The following KNDC1 variants were observed in gnomAD, a reference collection of about 807,000 sequenced individuals.
KNDC1 encodes kinase non-catalytic C-lobe domain containing 1.
Under a neutral mutation model 172.8 loss-of-function variants are expected in KNDC1, and 106 were observed. That is an observed-to-expected ratio of 0.61 (90% CI 0.52 to 0.72). The LOEUF is 0.72. Ranked by LOEUF, KNDC1 falls within the 30% of genes least tolerant of loss-of-function variation. KNDC1 has a pLI of 0.00. For synonymous variants in KNDC1, 1,083 were observed against 1,062.2 expected (o/e 1.02, Z -0.38); for missense variants, 2,325 against 2,394.5 (o/e 0.97, Z 0.61).
rs116684467 is a variant in KNDC1 at position 133,186,234 on chromosome 10, G to A, written c.886G>A (p.Ala296Thr). The change falls in exon 6 of 30, where the codon GCC becomes ACC. Residue 296 changes from alanine (A) to threonine (T), a missense_variant. Ala to Thr is a moderately conservative substitution (Grantham distance 58). Coordinates refer to ENST00000304613, the MANE Select transcript of KNDC1 (RefSeq NM_152643.8). Reference protein sequence around the residue: ...ERTLGELDRDALRRSRLRKVQ... With the variant: ...ERTLGELDRDTLRRSRLRKVQ... ...CACCCTCGGGGAGCTGGACAGAGACGCCCTCAGGAGAAGCCGCCTGCGGAA... is the reference window on the plus strand; with the variant it reads ...CACCCTCGGGGAGCTGGACAGAGACACCCTCAGGAGAAGCCGCCTGCGGAA... The A allele has an allele frequency of 1.5e-3, 2,440 of 1,590,178 alleles. 32 individuals are homozygous for A. In the African/African-American group the frequency reaches 0.028, roughly 18 times the overall value.
intron 17 of KNDC1, among the ~76,000 whole-genome samples, chr10:133,203,112 C>T (rs1387153896): frequency 1.1e-5 from 1 of 88,128 alleles, no homozygotes; most frequent in Non-Finnish European, 3.0e-5. Context: ...CGCACGGCGT[C>T]CAGCGGGGAG....
rs551847838 is a variant in KNDC1 at position 133,198,705 on chromosome 10, G to C, written c.2197G>C (p.Val733Leu). 54 of 1,578,792 alleles carry C rather than the reference G, an allele frequency of 3.4e-5. No homozygotes were observed. The African/African-American group carries it at 5.5e-4, about 16-fold the overall frequency. Residue 733 changes from valine (V) to leucine (L), a missense_variant, in exon 14 of 30, where the codon GTG becomes CTG. Transcript: ENST00000304613. Reference sequence around the variant, plus strand: ...CAGCCTGAAGACGCCTGACGGGCCGGTGCCTGGTCCGGGGCCACAGGGAGC... The same window carrying C: ...CAGCCTGAAGACGCCTGACGGGCCGCTGCCTGGTCCGGGGCCACAGGGAGC... ...SPSLKTPDGP[V>L]PGPGPQGAAP...
intron 24 of KNDC1, 31 bp from the exon 25 acceptor site, chr10:133,213,614 C>G: frequency 6.2e-7 from 1 of 1,604,336 alleles, no homozygotes; most frequent in African/African-American, 1.3e-5. Context: ...GGGATGGAAG[C>G]CTGAACCTCT....
rs1392208206 is a variant in KNDC1, at chr10:133,206,775, A to T, written c.3478A>T (p.Lys1160Ter). 6.2e-7 allele frequency: 1 copy of T among 1,613,950 alleles called. No homozygotes were observed. The highest frequency in any genetic ancestry group is 8.5e-7 in the Non-Finnish European group (1 of 1,179,996). ...QKLLQKEKRN[K>*]GSDVKTMLSK... is the part of the protein sequence containing the mutation. Reference sequence around the variant, plus strand: ...ACTCTTACAGAAGGAAAAGAGGAACAAAGGTAAGGCCCCTGTGGGCACAGG... The same window carrying T: ...ACTCTTACAGAAGGAAAAGAGGAACTAAGGTAAGGCCCCTGTGGGCACAGG... The change falls in exon 18 of 30, where the codon AAA becomes TAA. Residue 1160 changes from lysine to a stop codon, truncating the protein, a stop_gained. Coordinates refer to ENST00000304613, the MANE Select transcript of KNDC1 (RefSeq NM_152643.8). LOFTEE classifies it high-confidence loss of function.
chr10:133,178,170 G>C (rs965052807), intron 3 of KNDC1, among the ~76,000 whole-genome samples: 3 of 151,294 alleles, frequency 2.0e-5, no homozygotes, highest in African/African-American at 7.3e-5. Flanking sequence ...AGTGTATCCT[G>C]TGTGTAGCAT....
At chr10:133,207,003 C>T (rs777751572) in intron 19 of KNDC1, 50 bp downstream of exon 19, 5 of 1,567,224 alleles carry the variant, frequency 3.2e-6, no homozygotes, top group Non-Finnish European at 3.5e-6. Flanking sequence ...TAGCTTCAGA[C>T]GGGCCTCCCA....
At chr10:133,166,015 C>G (rs181669365) in intron 1 of KNDC1, among the ~76,000 whole-genome samples, 133 of 152,352 alleles carry the variant, frequency 8.7e-4, no homozygotes, top group African/African-American at 3.1e-3. Context: ...CCAGGCCCCA[C>G]CGGGCGCCCA....
chr10:133,189,880 C>A lies in KNDC1; in HGVS notation c.1575+67C>A. 4 of 1,295,196 alleles carry A rather than the reference C, an allele frequency of 3.1e-6. No homozygotes were observed. In the South Asian group the frequency reaches 4.9e-5, roughly 16 times the overall value. 80.2% of individuals were successfully genotyped at this position (1,295,196 alleles called of 1,614,324 possible). Reference sequence around the variant, plus strand: ...CCCTCGGGGATGCCACGTCCCCCATCTGTCCAGCAGCCCCCCATCAGGACT... The same window carrying A: ...CCCTCGGGGATGCCACGTCCCCCATATGTCCAGCAGCCCCCCATCAGGACT... On this transcript the variant is annotated intron_variant, in intron 9 of 29. Transcript: ENST00000304613.
chr10:133,171,166 TTA>T (rs530327656), intron 3 of KNDC1, among the ~76,000 whole-genome samples: 167 of 152,386 alleles, frequency 1.1e-3, no homozygotes, highest in African/African-American at 4.0e-3. Context: ...TGAAGTTACT[TTA>T]ACGTTGTAAA....
chr10:133,172,566 C>T (rs115307843), intron 3 of KNDC1, among the ~76,000 whole-genome samples: 2,690 of 152,286 alleles, frequency 0.018, 77 homozygotes, highest in African/African-American at 0.061. Context: ...CCTGTATAAG[C>T]AGCACCCCCT....
chr10:133,215,672 G>A (rs981223452), intron 26 of KNDC1, among the ~76,000 whole-genome samples: 53 of 152,362 alleles, frequency 3.5e-4, no homozygotes, highest in Non-Finnish European at 6.5e-4. Context: ...CGTCCTGGGC[G>A]CACCCTCACC....
intron 3 of KNDC1, among the ~76,000 whole-genome samples, chr10:133,177,889 G>C (rs1392237502): frequency 8.5e-6 from 1 of 117,852 alleles, no homozygotes; most frequent in Non-Finnish European, 1.8e-5. Context: ...TGTGTGTGTA[G>C]TGTGCATGTG....
intron 17 of KNDC1, among the ~76,000 whole-genome samples, chr10:133,203,665 C>T (rs3008383): frequency 0.4 from 61,069 of 152,004 alleles, 14,157 homozygotes; most frequent in East Asian, 0.62. Context: ...TTAAAACAAG[C>T]GTGGCTCCCA....
At position 133,211,937 on chromosome 10, in the gene KNDC1, G is replaced by A. The variant is rs1051253507; in HGVS notation, c.4236+79G>A. 8.5e-6 allele frequency: 12 copies of A among 1,404,936 alleles called. No homozygotes were observed. The Admixed American group carries it at 1.8e-4, about 21-fold the overall frequency. 87.0% of individuals were successfully genotyped at this position (1,404,936 alleles called of 1,614,324 possible). ...GAGCCCAGCCTCAAAGACACAACTG[G>A]TGCATGCACACACATACACACAAGT... On this transcript the variant is annotated intron_variant, in intron 23 of 29. Transcript: ENST00000304613.
chr10:133,191,914 T>G (rs1249227261), intron 9 of KNDC1, among the ~76,000 whole-genome samples: 1 of 152,138 alleles, frequency 6.6e-6, no homozygotes, highest in African/African-American at 2.4e-5. Flanking sequence ...CCAGGTGGCC[T>G]CAAAGAAAGT....
chr10:133,167,422 C>T lies in KNDC1; in HGVS notation c.144C>T (p.Arg48=), dbSNP rs771186490. ...CTGACATCCTCTCCCTGCGGGACCG[C>T]GGCCTCAGCGAGCAGGAAGCCTGGG... is the stretch of plus-strand genomic sequence containing the variant. The part of the protein sequence containing the change: ...SLADILSLRD[R]GLSEQEAWAV... The change falls in exon 2 of 30, where the codon CGC becomes CGT. Residue 48 remains arginine, a synonymous_variant. Coordinates refer to ENST00000304613, the MANE Select transcript of KNDC1 (RefSeq NM_152643.8). 2.6e-5 allele frequency: 41 copies of T among 1,603,062 alleles called. No homozygotes were observed. Among genetic ancestry groups the T allele is most frequent in the Admixed American group, 2.4e-4 (14 of 58,628 alleles).
At chr10:133,171,456 G>C (rs560237403) in intron 3 of KNDC1, among the ~76,000 whole-genome samples, 1 of 152,214 alleles carries the variant, frequency 6.6e-6, no homozygotes, top group South Asian at 2.1e-4. Flanking sequence ...AATTTTTATA[G>C]AGATGGGGTC....
At chr10:133,184,681 A>G (rs1853840717) in intron 5 of KNDC1, among the ~76,000 whole-genome samples, 1 of 152,184 alleles carries the variant, frequency 6.6e-6, no homozygotes, top group Non-Finnish European at 1.5e-5. Context: ...ACCCATTTCC[A>G]CACTCTCATG....
At chr10:133,184,345 G>GCA (rs139474351) in intron 5 of KNDC1, among the ~76,000 whole-genome samples, 64,856 of 146,614 alleles carry the variant, frequency 0.44, 14,329 homozygotes, top group South Asian at 0.64. Context: ...CACATGTGCT[G>GCA]CACACACGCT....
Sources: allele counts gnomAD v4.1 joint callset (sites outside exome capture counted in the v4.1 genomes callset), GRCh38; gene constraint gnomAD v4.1.1; transcripts MANE v1.5; gene names NCBI Gene and HGNC (gene_info 2026-07-23, HGNC 2026-07-21).